CD58: variants seen among roughly 807,000 people sequenced by gnomAD.
The protein encoded by CD58 is CD58 molecule, also known as lymphocyte function-associated antigen 3.
In CD58, 14 loss-of-function variants were observed where a neutral mutation model predicts 27.6. The ratio of observed to expected loss-of-function variants is 0.51; its 90% CI spans 0.34 to 0.79. The LOEUF (loss-of-function observed/expected upper bound fraction) is 0.79. Among genes scored for constraint, CD58 ranks in the 30% least tolerant of loss-of-function variants. The probability of loss-of-function intolerance (pLI) is 0.02; values close to 1 mark genes in which losing one functional copy is unlikely to be tolerated. For synonymous variants in CD58, 117 were observed against 103.8 expected (o/e 1.13, Z -0.77); for missense variants, 268 against 301.7 (o/e 0.89, Z 0.83).
At chr1:116,562,511 A>G (rs755236794) in intron 1 of CD58, among the ~76,000 whole-genome samples, 2 of 152,118 alleles carry the variant, frequency 1.3e-5, no homozygotes, top group Non-Finnish European at 2.9e-5. Context: ...GATGGGGTGT[A>G]TTAGTCCATT....
At chr1:116,530,565 G>A (rs1657571898) in intron 3 of CD58, among the ~76,000 whole-genome samples, 1 of 152,130 alleles carries the variant, frequency 6.6e-6, no homozygotes, top group Admixed American at 6.5e-5. Flanking sequence ...AAATGATAGT[G>A]GTGAGGAGCA....
At position 116,570,599 on chromosome 1, in the gene CD58, T is replaced by C. The variant is rs1232942560; in HGVS notation, c.70+304A>G. ...TGGGGAAGCCCAGGAAGGAACTTGGTCACTGGAGCTCGGGAGGGGGCCGGC... is the reference window on the plus strand; with the variant it reads ...TGGGGAAGCCCAGGAAGGAACTTGGCCACTGGAGCTCGGGAGGGGGCCGGC... On this transcript the variant is annotated intron_variant, in intron 1 of 5. Transcript: ENST00000369489. The surrounding 1 kb of genome is among the most constrained non-coding windows in gnomAD (Gnocchi z 6.4). 6.6e-6 allele frequency among the ~76,000 whole-genome samples: 1 copy of C among 151,910 alleles called. No homozygotes were observed. Among genetic ancestry groups the C allele is most frequent in the Non-Finnish European group, 1.5e-5 (1 of 67,926 alleles).
rs1369628829 is a variant in CD58, at chr1:116,533,159, T to A, written c.628+2806A>T. On this transcript the variant is annotated intron_variant, in intron 3 of 5. Coordinates refer to ENST00000369489, the MANE Select transcript of CD58 (RefSeq NM_001779.3). ...TTTCAAAATCAGAGGCTAATACGAATTCAGAATCTTTATCCAGTGATTCTC... is the reference window on the plus strand; with the variant it reads ...TTTCAAAATCAGAGGCTAATACGAAATCAGAATCTTTATCCAGTGATTCTC... 1.2e-5 allele frequency: 9 copies of A among 753,154 alleles called. No individual in the cohort carries two copies. In the African/African-American group the frequency reaches 1.5e-4, roughly 13 times the overall value. The allele number at this position is 753,154 out of a possible 1,614,324, so 46.7% of individuals were successfully genotyped here.
At chr1:116,564,947 C>A (rs1189540274) in intron 1 of CD58, among the ~76,000 whole-genome samples, 1 of 152,136 alleles carries the variant, frequency 6.6e-6, no homozygotes, top group Non-Finnish European at 1.5e-5. Context: ...TGCTACTTGC[C>A]CAGCACTATC....
intron 1 of CD58, among the ~76,000 whole-genome samples, chr1:116,551,649 A>G (rs918817566): frequency 6.6e-6 from 1 of 150,954 alleles, no homozygotes; most frequent in African/African-American, 2.4e-5. Context: ...TCCTTCAAGA[A>G]CTTTTCCTTT....
rs1265865290 is a variant in CD58, at chr1:116,570,080, A to G, written c.70+823T>C. 6.6e-6 allele frequency among the ~76,000 whole-genome samples: 1 copy of G among 152,206 alleles called. No individual in the cohort carries two copies. The highest frequency in any genetic ancestry group is 1.5e-5 in the Non-Finnish European group (1 of 68,040). ...CAGTGGGGTGCAGGAGCCAGCCATG[A>G]GAACCCCTCAAGTACAGTTGAACTC... is the stretch of plus-strand genomic sequence containing the variant. On this transcript the variant is annotated intron_variant, in intron 1 of 5. Transcript: ENST00000369489. This position sits in a 1 kb window ranked among gnomAD's most constrained non-coding sequence, Gnocchi z 6.4.
rs1571067952 is a variant in CD58, at chr1:116,534,503, C to G, written c.628+1462G>C. ...GCTGCCAGCCCCCACTCGCCGCCCTCTACGCCTCCTCCGCTGGGCCGCCGG... is the reference window on the plus strand; with the variant it reads ...GCTGCCAGCCCCCACTCGCCGCCCTGTACGCCTCCTCCGCTGGGCCGCCGG... On this transcript the variant is annotated intron_variant, in intron 3 of 5. Coordinates refer to ENST00000369489, the MANE Select transcript of CD58 (RefSeq NM_001779.3). The surrounding 1 kb of genome is among the most constrained non-coding windows in gnomAD (Gnocchi z 5.3). Among the ~76,000 whole-genome samples, 2 of 152,216 alleles carry G rather than the reference C, an allele frequency of 1.3e-5. No individual in the cohort carries two copies. Among genetic ancestry groups the G allele is most frequent in the Admixed American group, 6.5e-5 (1 of 15,290 alleles).
chr1:116,535,580 G>A (rs543877317), intron 3 of CD58, among the ~76,000 whole-genome samples: 8 of 98,294 alleles, frequency 8.1e-5, no homozygotes, highest in Admixed American at 8.1e-4. Flanking sequence ...GGTGGCTCAC[G>A]CCTGTAATCC....
rs1279700690 is a variant in CD58, at chr1:116,570,824, G to C, written c.70+79C>G. The C allele has an allele frequency of 8.5e-7, 1 of 1,179,310 alleles. No individual in the cohort carries two copies. Among genetic ancestry groups the C allele is most frequent in the Non-Finnish European group, 1.2e-6 (1 of 846,602 alleles). 73.1% of individuals were successfully genotyped at this position (1,179,310 alleles called of 1,614,324 possible). On this transcript the variant is annotated intron_variant, in intron 1 of 5. Transcript: ENST00000369489. This position sits in a 1 kb window ranked among gnomAD's most constrained non-coding sequence, Gnocchi z 6.4. The stretch of plus-strand genomic sequence containing the variant: ...CGTCTCTGATCGGCAACCGCCTCGA[G>C]CCCGGCGCGTCCACCCAGCCTGGGT...
Position 116,528,105 on chromosome 1 carries a change from C to T in CD58, c.629-6122G>A, listed in dbSNP as rs541115742. Among the ~76,000 whole-genome samples the T allele has an allele frequency of 1.3e-5, 2 of 152,328 alleles. No homozygotes were observed. Among genetic ancestry groups the T allele is most frequent in the East Asian group, 3.9e-4 (2 of 5,182 alleles). On this transcript the variant is annotated intron_variant, in intron 3 of 5. Transcript: ENST00000369489. The surrounding 1 kb of genome is among the most constrained non-coding windows in gnomAD (Gnocchi z 4.4). ...AAAGCAGAGTGAACATTCTTAATCA[C>T]TATTCTTCCCAGTGGAAAGTCATAA...
At position 116,570,422 on chromosome 1, in the gene CD58, A is replaced by G. The variant is rs566517088; in HGVS notation, c.70+481T>C. On this transcript the variant is annotated intron_variant, in intron 1 of 5. Transcript: ENST00000369489. This position sits in a 1 kb window ranked among gnomAD's most constrained non-coding sequence, Gnocchi z 6.4. ...ATTCTGAAAAGTCCTCTCTGCTGAT[A>G]CGGCGGACGCCGCGCGGGCGGGGAC... is the stretch of plus-strand genomic sequence containing the variant. 1.6e-4 allele frequency among the ~76,000 whole-genome samples: 25 copies of G among 152,082 alleles called. No homozygotes were observed. Among genetic ancestry groups the G allele is most frequent in the Non-Finnish European group, 3.2e-4 (22 of 67,990 alleles).
At chr1:116,560,142 A>G (rs1658710344) in intron 1 of CD58, 1 of 152,232 alleles carries the variant, frequency 6.6e-6, no homozygotes, top group Non-Finnish European at 1.5e-5. Flanking sequence ...TGGATATATT[A>G]GGTTAACTAA....
rs947236482 is a variant in CD58, at chr1:116,515,658, A to G, written c.744-836T>C. ...CCCAGCAGTCTCCTCACCCACTACAAGGAATCAAGCCTGCTTCTCCAGCTT... is the reference window on the plus strand; with the variant it reads ...CCCAGCAGTCTCCTCACCCACTACAGGGAATCAAGCCTGCTTCTCCAGCTT... On this transcript the variant is annotated intron_variant, in intron 5 of 5. Transcript: ENST00000369489. The surrounding 1 kb of genome is among the most constrained non-coding windows in gnomAD (Gnocchi z 4.6). Among the ~76,000 whole-genome samples the G allele has an allele frequency of 6.6e-6, 1 of 152,104 alleles. No individual in the cohort carries two copies. Among genetic ancestry groups the G allele is most frequent in the African/African-American group, 2.4e-5 (1 of 41,416 alleles).
chr1:116,537,502 T>C (rs1293204330), intron 2 of CD58, among the ~76,000 whole-genome samples: 1 of 152,220 alleles, frequency 6.6e-6, no homozygotes, highest in Non-Finnish European at 1.5e-5. Context: ...TGTCGGGCCC[T>C]GCCTATTGGT....
chr1:116,537,142 G>C (rs773010674), intron 2 of CD58, among the ~76,000 whole-genome samples: 2 of 152,152 alleles, frequency 1.3e-5, no homozygotes, highest in African/African-American at 2.4e-5. Flanking sequence ...TGTAGTCTCA[G>C]CTACTTGCAA....
In CD58 at chr1:116,534,015, C is replaced by G; in HGVS notation, c.628+1950G>C. On this transcript the variant is annotated intron_variant, in intron 3 of 5. Coordinates refer to ENST00000369489, the MANE Select transcript of CD58 (RefSeq NM_001779.3). This position sits in a 1 kb window ranked among gnomAD's most constrained non-coding sequence, Gnocchi z 5.3. ...GATTCTGCATCACCTGATCCGTGAG[C>G]TTTTCCGTCTTACTTGCATTTTTAG... 1 of 1,300,100 alleles carries G rather than the reference C, an allele frequency of 7.7e-7. No homozygotes were observed. Among genetic ancestry groups the G allele is most frequent in the Non-Finnish European group, 1.1e-6 (1 of 899,124 alleles). 80.5% of individuals were successfully genotyped at this position (1,300,100 alleles called of 1,614,324 possible). A position where few individuals can be genotyped will look rare whatever the true frequency, so the allele number is the denominator to read the frequency against.
chr1:116,564,733 C>G (rs1571093361), intron 1 of CD58, among the ~76,000 whole-genome samples: 1 of 152,186 alleles, frequency 6.6e-6, no homozygotes, highest in East Asian at 1.9e-4. Flanking sequence ...CCACCTAGCC[C>G]TGCCCTTGAC....
rs1237486045 is a variant in CD58 at position 116,531,288 on chromosome 1, C to T, written c.628+4677G>A. Among the ~76,000 whole-genome samples, 2 of 152,148 alleles carry T rather than the reference C, an allele frequency of 1.3e-5. No individual in the cohort carries two copies. Among genetic ancestry groups the T allele is most frequent in the Admixed American group, 1.3e-4 (2 of 15,282 alleles). On this transcript the variant is annotated intron_variant, in intron 3 of 5. Coordinates refer to ENST00000369489, the MANE Select transcript of CD58 (RefSeq NM_001779.3). This position sits in a 1 kb window ranked among gnomAD's most constrained non-coding sequence, Gnocchi z 4.5. The stretch of plus-strand genomic sequence containing the variant: ...ATCCCCTAAAATATTCCATGTAATT[C>T]TATAGAGGGATCTTACTCAGAAATT...
Position 116,517,088 on chromosome 1 carries a change from T to C in CD58, c.743+2143A>G, listed in dbSNP as rs745365934. 6.6e-6 allele frequency among the ~76,000 whole-genome samples: 1 copy of C among 152,022 alleles called. No homozygotes were observed. Among genetic ancestry groups the C allele is most frequent in the Admixed American group, 6.5e-5 (1 of 15,272 alleles). On this transcript the variant is annotated intron_variant, in intron 5 of 5. Coordinates refer to ENST00000369489, the MANE Select transcript of CD58 (RefSeq NM_001779.3). This position sits in a 1 kb window ranked among gnomAD's most constrained non-coding sequence, Gnocchi z 6.5. ...GGATGATGCCCCCCTACCCCCATCA[T>C]TGGTAGTGATGGCTATGCCTCCCCC...
Sources: gnomAD v4.1 joint callset for allele counts (sites outside exome capture counted in the v4.1 genomes callset) on GRCh38, gnomAD v4.1.1 for gene constraint, Gnocchi (gnomAD v3.1) non-coding constraint, MANE v1.5 for transcripts, NCBI Gene and HGNC (gene_info 2026-07-23, HGNC 2026-07-21) for gene names.